Variants in ZCCHC8 observed in about 807,000 individuals in gnomAD.
ZCCHC8 encodes zinc finger CCHC-type containing 8, also known as zinc finger CCHC domain-containing protein 8.
ZCCHC8 carries 27 observed loss-of-function variants against 70.6 expected under a neutral mutation model. That is an observed-to-expected ratio of 0.38 (90% CI 0.28 to 0.53). ZCCHC8 has a LOEUF of 0.53. ZCCHC8 is among the 20% of genes least tolerant of loss of function. The pLI is 0.81. For synonymous variants in ZCCHC8, 293 were observed against 317.4 expected, an observed-to-expected ratio of 0.92 and a Z score of 0.82; for missense variants, 737 against 876.9, an observed-to-expected ratio of 0.84 and a Z score of 2.01.
chr12:122,481,297 G>A, intron 10 of ZCCHC8: 1 of 451,214 alleles, frequency 2.2e-6, no homozygotes, highest in Non-Finnish European at 3.9e-6. Flanking sequence ...TGATACTCTG[G>A]CCTAGACAGT....
chr12:122,473,741 C>A lies in ZCCHC8; in HGVS notation c.1880G>T (p.Gly627Val), dbSNP rs755823723. 2.5e-6 allele frequency: 4 copies of A among 1,613,744 alleles called. No homozygotes were observed. In the East Asian group the frequency reaches 8.9e-5, roughly 36 times the overall value. The stretch of plus-strand genomic sequence containing the variant: ...GATGTCACAGTTTGGTACGACACTG[C>A]CATTATCAAGAAGGGCACCTTCAGT... ...VNTEGALLDNGSVVPNCDISN... is the reference protein window; with the variant it reads ...VNTEGALLDNVSVVPNCDISN... The change falls in exon 14 of 14, where the codon GGC (glycine) becomes GTC (valine). Residue 627 changes from glycine (G) to valine (V), a missense_variant. By Grantham distance (109) the Gly-to-Val change is moderately radical (BLOSUM62 -3). Transcript: ENST00000633063.
intron 4 of ZCCHC8, 123 bp from the exon 5 acceptor site, chr12:122,489,586 G>T: frequency 3.4e-6 from 3 of 889,512 alleles, no homozygotes; most frequent in South Asian, 1.5e-5. Flanking sequence ...TGGGAGAATG[G>T]AAGATGTAAA....
intron 2 of ZCCHC8, among the ~76,000 whole-genome samples, chr12:122,494,322 G>A (rs1401825770): frequency 1.3e-5 from 2 of 152,064 alleles, no homozygotes; most frequent in East Asian, 3.9e-4. Context: ...GGGAGGCAGA[G>A]GCGGGTGGAT....
Position 122,478,306 on chromosome 12 carries a change from G to A in ZCCHC8, c.1141-14C>T, listed in dbSNP as rs781756080. The A allele has an allele frequency of 1.7e-4, 254 of 1,538,976 alleles. No individual in the cohort carries two copies. The highest frequency in any genetic ancestry group is 3.4e-4 in the Middle Eastern group (2 of 5,880). ...GATCCTCCATTCCTAATGATGAAAA[G>A]AGAAGGAAAAAAAAAACACATGTAT... On this transcript the variant is annotated splice_polypyrimidine_tract_variant and intron_variant, in intron 11 of 13. Transcript: ENST00000633063.
At position 122,474,265 on chromosome 12, in the gene ZCCHC8, T is replaced by A; in HGVS notation, c.1356A>T (p.Val452=). Residue 452 remains valine, a synonymous_variant, in exon 14 of 14, where the codon GTA becomes GTT. Coordinates refer to ENST00000633063, the MANE Select transcript of ZCCHC8 (RefSeq NM_017612.5). Reference sequence around the variant, plus strand: ...TTTCGCTGCTCTGAGAACCATGTGGTACCTCCATATCTGAAGTAAGAAAGT... The same window carrying A: ...TTTCGCTGCTCTGAGAACCATGTGGAACCTCCATATCTGAAGTAAGAAAGT... ...ADMELDSDME[V]PHGSQSSESF... is the part of the protein sequence containing the mutation. The A allele has an allele frequency of 2.1e-6, 3 of 1,433,760 alleles. No homozygotes were observed. Among genetic ancestry groups the A allele is most frequent in the Non-Finnish European group, 2.7e-6 (3 of 1,092,730 alleles). 88.8% of individuals were successfully genotyped at this position (1,433,760 alleles called of 1,614,324 possible). A position where few individuals can be genotyped will look rare whatever the true frequency, so the allele number is the denominator to read the frequency against.
Position 122,492,800 on chromosome 12 carries a change from A to T in ZCCHC8, c.243-11T>A, listed in dbSNP as rs773893626. 2.7e-6 allele frequency: 4 copies of T among 1,487,222 alleles called. No homozygotes were observed. In the African/African-American group the frequency reaches 5.6e-5, roughly 21 times the overall value. The allele number at this position is 1,487,222 out of a possible 1,614,324, so 92.1% of individuals were successfully genotyped here. A position where few individuals can be genotyped will look rare whatever the true frequency, so the allele number is the denominator to read the frequency against. Reference sequence around the variant, plus strand: ...TTCACCAATATTCCACTAAAACAGAAGTTAGAACATATTCTTAGAAGATAT... The same window carrying T: ...TTCACCAATATTCCACTAAAACAGATGTTAGAACATATTCTTAGAAGATAT... On this transcript the variant is annotated splice_polypyrimidine_tract_variant and intron_variant, in intron 2 of 13. Transcript: ENST00000633063.
At position 122,473,115 on chromosome 12, in the gene ZCCHC8, T is replaced by C. The variant is rs1323301026; in HGVS notation, c.*382A>G. 6.2e-6 allele frequency: 1 copy of C among 162,418 alleles called. No individual in the cohort carries two copies. Among genetic ancestry groups the C allele is most frequent in the Non-Finnish European group, 1.3e-5 (1 of 74,974 alleles). 10.1% of individuals were successfully genotyped at this position (162,418 alleles called of 1,614,324 possible). A position where few individuals can be genotyped will look rare whatever the true frequency, so the allele number is the denominator to read the frequency against. On this transcript the variant is annotated 3_prime_UTR_variant, in exon 14 of 14. Transcript: ENST00000633063. ...AAACATGAATTTAAAATGGTAGAAT[T>C]TTTTCTTTTAAAAAGTGATATATTA...
At chr12:122,479,448 A>T (rs1168290875) in intron 11 of ZCCHC8, among the ~76,000 whole-genome samples, 1 of 152,200 alleles carries the variant, frequency 6.6e-6, no homozygotes, top group African/African-American at 2.4e-5. Context: ...GGAAGCTGGA[A>T]AAGAGTTAAG....
chr12:122,481,513 A>G lies in ZCCHC8; in HGVS notation c.1018+9T>C. 1.2e-6 allele frequency: 2 copies of G among 1,604,568 alleles called. No individual in the cohort carries two copies. Among genetic ancestry groups the G allele is most frequent in the South Asian group, 1.1e-5 (1 of 88,680 alleles). ...CTTAAGGTGACTTCTCTAACTTAAG[A>G]TACTATACCTTTTCCATCATAGAGT... On this transcript the variant is annotated intron_variant, in intron 10 of 13. Transcript: ENST00000633063.
chr12:122,486,705 G>A (rs536920706), intron 5 of ZCCHC8, among the ~76,000 whole-genome samples: 2 of 152,148 alleles, frequency 1.3e-5, no homozygotes, highest in Non-Finnish European at 2.9e-5. Context: ...GAGTAGCTGG[G>A]ATTATGGGCT....
rs938393266 is a variant in ZCCHC8, at chr12:122,474,195, G to A, written c.1426C>T (p.Pro476Ser). Residue 476 changes from proline to serine, a missense_variant, in exon 14 of 14, where the codon CCC becomes TCC. Pro to Ser is a moderately conservative substitution (Grantham distance 74). Coordinates refer to ENST00000633063, the MANE Select transcript of ZCCHC8 (RefSeq NM_017612.5). The part of the protein sequence containing the change: ...PPLPPDTPPL[P>S]RGTPPPVFTP... ...AAGACGGGTGGAGGAGTTCCCCGGG[G>A]GAGTGGAGGAGTGTCAGGAGGTAAT... 2.0e-6 allele frequency: 3 copies of A among 1,510,868 alleles called. No homozygotes were observed. Among genetic ancestry groups the A allele is most frequent in the South Asian group, 1.4e-5 (1 of 70,436 alleles). The allele number at this position is 1,510,868 out of a possible 1,614,324, so 93.6% of individuals were successfully genotyped here.
Position 122,478,283 on chromosome 12 carries a change from T to G in ZCCHC8, c.1150A>C (p.Ile384Leu). 6.3e-7 allele frequency: 1 copy of G among 1,586,312 alleles called. No homozygotes were observed. Among genetic ancestry groups the G allele is most frequent in the Non-Finnish European group, 8.6e-7 (1 of 1,167,056 alleles). The change falls in exon 12 of 14, where the codon ATC (isoleucine) becomes CTC (leucine). Residue 384 changes from isoleucine (I) to leucine (L), a missense_variant. Physicochemically the swap from Ile to Leu is conservative, Grantham distance 5 (BLOSUM62 2). Coordinates refer to ENST00000633063, the MANE Select transcript of ZCCHC8 (RefSeq NM_017612.5). ...GCCTGCATTGGTATGGAACCAAAGA[T>G]CCTCCATTCCTAATGATGAAAAGAG... ...TPRGIPDEWR[I>L]FGSIPMQACQ...
At chr12:122,475,716 A>G (rs1427543484) in intron 13 of ZCCHC8, among the ~76,000 whole-genome samples, 1 of 152,208 alleles carries the variant, frequency 6.6e-6, no homozygotes, top group Non-Finnish European at 1.5e-5. Context: ...AACCGCTGCC[A>G]GATTCATCAC....
At chr12:122,487,778 A>T (rs1263369776) in intron 5 of ZCCHC8, among the ~76,000 whole-genome samples, 2 of 152,150 alleles carry the variant, frequency 1.3e-5, no homozygotes, top group Non-Finnish European at 2.9e-5. Flanking sequence ...TTTTTCTTTC[A>T]ATAAAGTCTG....
Position 122,500,726 on chromosome 12 carries a change from C to T in ZCCHC8, c.115G>A (p.Glu39Lys), listed in dbSNP as rs1290098713. Reference protein sequence around the residue: ...TRFKDDDGDEEDENGVGDAEL... With the variant: ...TRFKDDDGDEKDENGVGDAEL... ...GCGTCGCCGACCCCATTTTCGTCCT[C>T]CTCGTCGCCGTCGTCGTCCTTGAAG... is the stretch of plus-strand genomic sequence containing the variant. Residue 39 changes from glutamate to lysine, a missense_variant, in exon 1 of 14, where the codon GAG (glutamate) becomes AAG (lysine). Transcript: ENST00000633063. This position sits in a 1 kb window ranked among gnomAD's most constrained non-coding sequence, Gnocchi z 4.8. The T allele has an allele frequency of 6.3e-6, 10 of 1,583,724 alleles. No homozygotes were observed. Among genetic ancestry groups the T allele is most frequent in the Non-Finnish European group, 3.4e-6 (4 of 1,165,522 alleles).
Position 122,483,805 on chromosome 12 carries a change from C to A in ZCCHC8, c.502-242G>T. On this transcript the variant is annotated intron_variant, in intron 5 of 13. Transcript: ENST00000633063. The surrounding 1 kb of genome is among the most constrained non-coding windows in gnomAD (Gnocchi z 4.4). ...TCATGACTATCAGCTGCATTCTCTACAGAATTCAAACAAAAAATGAAAACC... is the reference window on the plus strand; with the variant it reads ...TCATGACTATCAGCTGCATTCTCTAAAGAATTCAAACAAAAAATGAAAACC... 2 of 401,050 alleles carry A rather than the reference C, an allele frequency of 5.0e-6. No homozygotes were observed. The highest frequency in any genetic ancestry group is 4.4e-6 in the Non-Finnish European group (1 of 226,848). 24.8% of individuals were successfully genotyped at this position (401,050 alleles called of 1,614,324 possible).
rs944234760 is a variant in ZCCHC8, at chr12:122,473,174, A to C, written c.*323T>G. The C allele has an allele frequency of 1.3e-5, 3 of 228,654 alleles. No homozygotes were observed. Among genetic ancestry groups the C allele is most frequent in the African/African-American group, 6.8e-5 (3 of 44,426 alleles). 14.2% of individuals were successfully genotyped at this position (228,654 alleles called of 1,614,324 possible). On this transcript the variant is annotated 3_prime_UTR_variant, in exon 14 of 14. Transcript: ENST00000633063. ...TACAGGATAATTAGCAAAATGTAGAAAGGGAAAACAATGTACAAAAGACAG... is the reference window on the plus strand; with the variant it reads ...TACAGGATAATTAGCAAAATGTAGACAGGGAAAACAATGTACAAAAGACAG...
At chr12:122,474,608 A>G (rs935287861) in intron 13 of ZCCHC8, among the ~76,000 whole-genome samples, 8 of 152,162 alleles carry the variant, frequency 5.3e-5, no homozygotes, top group Non-Finnish European at 8.8e-5. Context: ...ACTCTACCCA[A>G]AAATTTGTGG....
intron 2 of ZCCHC8, among the ~76,000 whole-genome samples, chr12:122,497,002 C>G (rs1957835646): frequency 6.6e-6 from 1 of 151,796 alleles, no homozygotes; most frequent in Non-Finnish European, 1.5e-5. Context: ...AATAAATTAG[C>G]CGGGCCTGGT....
Sources: allele counts gnomAD v4.1 joint callset (sites outside exome capture counted in the v4.1 genomes callset), GRCh38; gene constraint gnomAD v4.1.1; non-coding constraint Gnocchi (gnomAD v3.1); transcripts MANE v1.5; gene names NCBI Gene and HGNC (gene_info 2026-07-23, HGNC 2026-07-21).